RABGAP1L: variants seen among roughly 807,000 people sequenced by gnomAD.
RABGAP1L encodes the protein rab GTPase-activating protein 1-like.
In RABGAP1L, 63 loss-of-function variants were observed where a neutral mutation model predicts 137.7. That is an observed-to-expected ratio of 0.46 (90% confidence interval 0.37 to 0.56). The LOEUF (loss-of-function observed/expected upper bound fraction) is 0.56. Among genes scored for constraint, RABGAP1L ranks in the 20% least tolerant of loss-of-function variants. The pLI, the probability that RABGAP1L is intolerant of heterozygous loss-of-function variation, is 0.00. For missense variants in RABGAP1L, 1,095 were observed against 1,244.0 expected (o/e 0.88, Z 1.80); for synonymous variants, 431 against 433.7 (o/e 0.99, Z 0.08).
chr1:174,205,359 T>C (rs1017529316), intron 1 of RABGAP1L, among the ~76,000 whole-genome samples: 1 of 152,168 alleles, frequency 6.6e-6, no homozygotes, highest in Non-Finnish European at 1.5e-5. Flanking sequence ...TCTGTAGGAA[T>C]GGTACCAGCT....
At chr1:174,230,344 G>A (rs188344381) in intron 3 of RABGAP1L, among the ~76,000 whole-genome samples, 3 of 151,992 alleles carry the variant, frequency 2.0e-5, no homozygotes, top group East Asian at 1.9e-4. Context: ...ACATATATAC[G>A]TATGTAACAA....
Position 174,541,584 on chromosome 1 carries a change from G to A in RABGAP1L, c.1711-95791G>A, listed in dbSNP as rs183247013. 7.2e-5 allele frequency among the ~76,000 whole-genome samples: 11 copies of A among 152,254 alleles called. No individual in the cohort carries two copies. In the East Asian group the frequency reaches 2.1e-3, roughly 29 times the overall value. On this transcript the variant is annotated intron_variant, in intron 13 of 25. Transcript: ENST00000681986. Reference sequence around the variant, plus strand: ...GAGGTCAGGAGATCGAGACCATCCTGGCTAACACAGTGAAACTCTGTATCT... The same window carrying A: ...GAGGTCAGGAGATCGAGACCATCCTAGCTAACACAGTGAAACTCTGTATCT...
chr1:174,285,857 A>G (rs1307247463), intron 10 of RABGAP1L, among the ~76,000 whole-genome samples: 1 of 152,142 alleles, frequency 6.6e-6, no homozygotes. Context: ...TATGATTTTT[A>G]TGTTTTATTA....
At chr1:174,507,458 A>G (rs966452515) in intron 13 of RABGAP1L, among the ~76,000 whole-genome samples, 7 of 152,136 alleles carry the variant, frequency 4.6e-5, no homozygotes, top group Non-Finnish European at 8.8e-5. Flanking sequence ...CAAACACCCT[A>G]TTCCCTATAG....
intron 14 of RABGAP1L, among the ~76,000 whole-genome samples, chr1:174,666,255 C>T (rs917633471): frequency 1.3e-5 from 2 of 152,166 alleles, no homozygotes; most frequent in Non-Finnish European, 2.9e-5. Context: ...GTTTTAGCCT[C>T]ATGTTGGTAG....
intron 19 of RABGAP1L, among the ~76,000 whole-genome samples, chr1:174,871,618 G>C (rs556391633): frequency 6.6e-6 from 1 of 152,250 alleles, no homozygotes; most frequent in South Asian, 2.1e-4. Context: ...AAAAACTTGA[G>C]AGAAATGGGC....
intron 14 of RABGAP1L, among the ~76,000 whole-genome samples, chr1:174,642,539 A>G (rs1278632866): frequency 3.3e-5 from 5 of 152,056 alleles, no homozygotes; most frequent in South Asian, 2.1e-4. Flanking sequence ...TTTCAATACA[A>G]TTTTCTAGCC....
In RABGAP1L at chr1:174,941,322, G is replaced by C. The variant is rs541770246; in HGVS notation, c.2341-16135G>C. 4.6e-5 allele frequency among the ~76,000 whole-genome samples: 7 copies of C among 152,286 alleles called. No individual in the cohort carries two copies. In the South Asian group the frequency reaches 1.5e-3, roughly 32 times the overall value. ...GGGAATACATAGTGTAAGGGTAGTT[G>C]TTTGGCATTGGAAATACCCTAATGA... On this transcript the variant is annotated intron_variant, in intron 19 of 25. Coordinates refer to ENST00000681986, the MANE Select transcript of RABGAP1L (RefSeq NM_001366446.1).
intron 13 of RABGAP1L, among the ~76,000 whole-genome samples, chr1:174,564,010 C>G (rs941827199): frequency 1.3e-5 from 2 of 152,062 alleles, no homozygotes. Context: ...ACTCCAGCTC[C>G]TGCAAAGCTC....
At chr1:174,550,917 C>CATATATAT (rs1553330146) in intron 13 of RABGAP1L, among the ~76,000 whole-genome samples, 1 of 96,428 alleles carries the variant, frequency 1.0e-5, no homozygotes, top group Non-Finnish European at 1.9e-5. Flanking sequence ...TATACACACA[C>CATATATAT]ACACATATAT....
At chr1:174,855,713 G>GA (rs1263342971) in intron 19 of RABGAP1L, among the ~76,000 whole-genome samples, 2 of 152,160 alleles carry the variant, frequency 1.3e-5, no homozygotes, top group Non-Finnish European at 2.9e-5. Flanking sequence ...TTTTTGAAAA[G>GA]AAAGTCTCAA....
chr1:174,800,851 G>A (rs192990214), intron 18 of RABGAP1L, among the ~76,000 whole-genome samples: 7 of 152,286 alleles, frequency 4.6e-5, no homozygotes. Flanking sequence ...TCTCCAAAGG[G>A]TTAAATTTTA....
intron 10 of RABGAP1L, among the ~76,000 whole-genome samples, chr1:174,291,713 A>G (rs1467455737): frequency 1.3e-5 from 2 of 151,894 alleles, no homozygotes; most frequent in African/African-American, 4.8e-5. Context: ...GAATGTTTCA[A>G]TTTTATTTGG....
Position 174,176,741 on chromosome 1 carries a change from A to AAAAATAAAAT in RABGAP1L, c.-34+17088_-34+17089insTAAAATAAAA, listed in dbSNP as rs1553248319. ...AAAAAAAAAAAAAAAAAAAAAAAAA[A>AAAAATAAAAT]AAAAAGGTCAACATTTGTTAATACT... On this transcript the variant is annotated intron_variant, in intron 1 of 25. Coordinates refer to ENST00000681986, the MANE Select transcript of RABGAP1L (RefSeq NM_001366446.1). 7.1e-3 allele frequency among the ~76,000 whole-genome samples: 793 copies of AAAAATAAAAT among 111,656 alleles called. 41 individuals carry two copies. The highest frequency in any genetic ancestry group is 0.027 in the African/African-American group (767 of 27,896). 73.3% of individuals were successfully genotyped at this position (111,656 alleles called of 152,430 possible).
At chr1:174,412,769 A>G (rs1450763462) in intron 13 of RABGAP1L, among the ~76,000 whole-genome samples, 2 of 152,074 alleles carry the variant, frequency 1.3e-5, no homozygotes, top group Non-Finnish European at 2.9e-5. Context: ...TTTTTTCTTT[A>G]AGAATGCTTA....
chr1:174,809,627 A>C (rs555743141), intron 18 of RABGAP1L, among the ~76,000 whole-genome samples: 43 of 152,300 alleles, frequency 2.8e-4, no homozygotes, highest in African/African-American at 9.9e-4. Flanking sequence ...TGCATTGAAA[A>C]TAGAAGAGGT....
chr1:174,330,623 A>G (rs1449259606), intron 11 of RABGAP1L, among the ~76,000 whole-genome samples: 2 of 152,184 alleles, frequency 1.3e-5, no homozygotes, highest in Non-Finnish European at 2.9e-5. Context: ...CTACCTAGGA[A>G]TATACTTAAG....
At chr1:174,339,441 C>T (rs1018129585) in intron 11 of RABGAP1L, among the ~76,000 whole-genome samples, 1 of 152,120 alleles carries the variant, frequency 6.6e-6, no homozygotes, top group African/African-American at 2.4e-5. Context: ...TATAACTGTA[C>T]AGTTGGGTAT....
chr1:174,367,523 T>C (rs1156860894), intron 11 of RABGAP1L: 2 of 204,634 alleles, frequency 9.8e-6, no homozygotes, highest in Non-Finnish European at 1.0e-5. Context: ...GCTTAATTTA[T>C]TTCCTCTCCT....
Sources: allele counts gnomAD v4.1 joint callset (sites outside exome capture counted in the v4.1 genomes callset), GRCh38; gene constraint gnomAD v4.1.1; transcripts MANE v1.5; gene names NCBI Gene and HGNC (gene_info 2026-07-23, HGNC 2026-07-21).